ZDHHC21: variants seen among roughly 807,000 people sequenced by gnomAD.
ZDHHC21 encodes the protein zDHHC palmitoyltransferase 21.
Under a neutral mutation model 34.6 loss-of-function variants are expected in ZDHHC21, and 15 were observed. The ratio of observed to expected loss-of-function variants is 0.43; its 90% confidence interval spans 0.29 to 0.67. The LOEUF is 0.67. ZDHHC21 is among the 30% of genes least tolerant of loss of function. ZDHHC21 has a pLI of 0.14. For missense variants in ZDHHC21, 344 were observed against 327.7 expected, an observed-to-expected ratio of 1.05 and a Z score of -0.38; for synonymous variants, 142 against 101.8, an observed-to-expected ratio of 1.40 and a Z score of -2.38.
At chr9:14,674,087 A>C in intron 4 of ZDHHC21, 100 bp downstream of exon 4, 1 of 704,282 alleles carries the variant, frequency 1.4e-6, no homozygotes, top group Non-Finnish European at 2.1e-6. Flanking sequence ...CTAAAATACT[A>C]AATATATTAA....
downstream of ZDHHC21, among the ~76,000 whole-genome samples, chr9:14,610,215 T>C (rs1823157582): frequency 6.6e-6 from 1 of 152,018 alleles, no homozygotes; most frequent in South Asian, 2.1e-4. Flanking sequence ...TGCAGTAATT[T>C]TTATAAATGT....
the ZDHHC21 span, among the ~76,000 whole-genome samples, chr9:14,605,043 C>G: frequency 6.6e-6 from 1 of 152,132 alleles, no homozygotes; most frequent in Non-Finnish European, 1.5e-5. Context: ...GTATTTCCTT[C>G]CTTTTCTATG....
In ZDHHC21 at chr9:14,658,741, T is replaced by C. The variant is rs201626120; in HGVS notation, c.504+8A>G. ...CCGCCTCGGCCTCCCAATATAAACA[T>C]TTCTTACCAAATTACGCTTTTTTAG... On this transcript the variant is annotated splice_region_variant and intron_variant, in intron 7 of 9. Coordinates refer to ENST00000380916, the MANE Select transcript of ZDHHC21 (RefSeq NM_178566.6). The C allele has an allele frequency of 7.3e-5, 117 of 1,613,232 alleles. No individual in the cohort carries two copies. The African/African-American group carries it at 1.5e-3, about 20-fold the overall frequency.
chr9:14,652,763 G>A (rs746047825), intron 7 of ZDHHC21, among the ~76,000 whole-genome samples: 2 of 151,956 alleles, frequency 1.3e-5, no homozygotes, highest in Non-Finnish European at 2.9e-5. Flanking sequence ...TACAGGTTAA[G>A]TGCCATTACA....
chr9:14,682,554 C>T (rs953180624), intron 2 of ZDHHC21, among the ~76,000 whole-genome samples: 1 of 152,126 alleles, frequency 6.6e-6, no homozygotes, highest in Non-Finnish European at 1.5e-5. Context: ...TCCTTAGAGA[C>T]CTACAAAGAG....
At chr9:14,658,460 A>ATT (rs1338642945) in intron 7 of ZDHHC21, among the ~76,000 whole-genome samples, 4 of 35,376 alleles carry the variant, frequency 1.1e-4, no homozygotes, top group Admixed American at 3.0e-4. Flanking sequence ...GGATATAAAC[A>ATT]TTTCTTTTTT....
rs144593990 is a variant in ZDHHC21 at position 14,656,362 on chromosome 9, T to A, written c.504+2387A>T. Reference sequence around the variant, plus strand: ...TTTTATGTATTTAAATTTGTCTGTCTTTTCTTACAATGGGAAATACTGTGG... The same window carrying A: ...TTTTATGTATTTAAATTTGTCTGTCATTTCTTACAATGGGAAATACTGTGG... On this transcript the variant is annotated intron_variant, in intron 7 of 9. Coordinates refer to ENST00000380916, the MANE Select transcript of ZDHHC21 (RefSeq NM_178566.6). Among the ~76,000 whole-genome samples, 378 of 152,078 alleles carry A rather than the reference T, an allele frequency of 2.5e-3. 7 individuals carry two copies. Among genetic ancestry groups the A allele is most frequent in the African/African-American group, 8.7e-3 (362 of 41,564 alleles).
chr9:14,594,102 G>C, the ZDHHC21 span: 1 of 152,162 alleles, frequency 6.6e-6, no homozygotes, highest in African/African-American at 2.4e-5. Context: ...TAAGATATTT[G>C]AAAATCTGGA....
intron 7 of ZDHHC21, among the ~76,000 whole-genome samples, chr9:14,654,500 A>G (rs923854045): frequency 3.3e-5 from 5 of 152,068 alleles, no homozygotes; most frequent in Admixed American, 6.6e-5. Context: ...GTCAGAAGAC[A>G]GGGCCAAATA....
intron 8 of ZDHHC21, among the ~76,000 whole-genome samples, chr9:14,627,295 G>C (rs1295293954): frequency 6.6e-6 from 1 of 152,074 alleles, no homozygotes; most frequent in African/African-American, 2.4e-5. Flanking sequence ...AGTTAAAACT[G>C]TCACCCCTGC....
rs1437470132 is a variant in ZDHHC21, at chr9:14,648,100, C to T, written c.505-8088G>A. On this transcript the variant is annotated intron_variant, in intron 7 of 9. Transcript: ENST00000380916. ...ATCTCCATTCTTCCAGTTGTTTGGG[C>T]GGTGAAGCCCTGGAAATATCCTTGA... 2.6e-5 allele frequency among the ~76,000 whole-genome samples: 4 copies of T among 152,022 alleles called. No homozygotes were observed. The East Asian group carries it at 5.8e-4, about 22-fold the overall frequency.
intron 2 of ZDHHC21, among the ~76,000 whole-genome samples, chr9:14,681,785 A>T (rs1400581027): frequency 6.6e-6 from 1 of 151,446 alleles, no homozygotes; most frequent in Non-Finnish European, 1.5e-5. Flanking sequence ...GACACTTAAG[A>T]CAGGAGGCAT....
chr9:14,607,630 G>A (rs535923808), downstream of ZDHHC21, among the ~76,000 whole-genome samples: 5 of 151,984 alleles, frequency 3.3e-5, no homozygotes, highest in African/African-American at 9.7e-5. Context: ...CTGGGGGCGG[G>A]GGGGAAGTAA....
intron 7 of ZDHHC21, among the ~76,000 whole-genome samples, chr9:14,649,260 A>G (rs1830806060): frequency 1.3e-5 from 2 of 152,134 alleles, no homozygotes; most frequent in Non-Finnish European, 2.9e-5. Context: ...AGTAAAAATC[A>G]TAAAATTAAA....
rs1156969040 is a variant in ZDHHC21, at chr9:14,693,424, G to C, written c.-420C>G. The C allele has an allele frequency of 7.1e-6, 2 of 281,108 alleles. No homozygotes were observed. Among genetic ancestry groups the C allele is most frequent in the East Asian group, 1.7e-4 (1 of 5,762 alleles). 17.4% of individuals were successfully genotyped at this position (281,108 alleles called of 1,614,324 possible). A position where few individuals can be genotyped will look rare whatever the true frequency, so the allele number is the denominator to read the frequency against. ...GCATGCCCGCGCGCCCGCGTGGGGA[G>C]GGACGACTGCCGCCGTCGCCGTCTC... On this transcript the variant is annotated 5_prime_UTR_variant, in exon 1 of 10. Transcript: ENST00000380916.
At chr9:14,647,791 GC>G (rs571199242) in intron 7 of ZDHHC21, among the ~76,000 whole-genome samples, 10 of 152,064 alleles carry the variant, frequency 6.6e-5, no homozygotes, top group Non-Finnish European at 1.3e-4. Flanking sequence ...ACTGATGAGT[GC>G]CTAGTTTGGT....
intron 7 of ZDHHC21, among the ~76,000 whole-genome samples, chr9:14,642,466 C>G (rs1321758571): frequency 6.6e-6 from 1 of 152,126 alleles, no homozygotes; most frequent in Non-Finnish European, 1.5e-5. Context: ...TTAGGTCCCC[C>G]AAAATTCCTA....
At position 14,675,356 on chromosome 9, in the gene ZDHHC21, C is replaced by A. The variant is rs181144326; in HGVS notation, c.-45-971G>T. Among the ~76,000 whole-genome samples, 36 of 152,012 alleles carry A rather than the reference C, an allele frequency of 2.4e-4. No individual in the cohort carries two copies. In the East Asian group the frequency reaches 6.4e-3, roughly 27 times the overall value. ...ATGGTATAATAATAAACTAGGACAA[C>A]GGTTCTCTAGCCTGTAAGAAAACCA... On this transcript the variant is annotated intron_variant, in intron 3 of 9. Coordinates refer to ENST00000380916, the MANE Select transcript of ZDHHC21 (RefSeq NM_178566.6).
the ZDHHC21 span, among the ~76,000 whole-genome samples, chr9:14,594,446 C>T: frequency 1.3e-5 from 2 of 152,126 alleles, no homozygotes; most frequent in Non-Finnish European, 2.9e-5. Context: ...CAAAACAATT[C>T]AATGGGGAAA....
Sources: gnomAD v4.1 joint callset for allele counts (sites outside exome capture counted in the v4.1 genomes callset) on GRCh38, gnomAD v4.1.1 for gene constraint, MANE v1.5 for transcripts, NCBI Gene and HGNC (gene_info 2026-07-23, HGNC 2026-07-21) for gene names.